ADAMTS6: variants seen among roughly 807,000 people sequenced by gnomAD.
ADAMTS6 encodes A disintegrin and metalloproteinase with thrombospondin motifs 6.
Under a neutral mutation model 144.3 loss-of-function variants are expected in ADAMTS6, and 23 were observed. That is an observed-to-expected ratio of 0.16 (90% CI 0.11 to 0.23). The LOEUF (loss-of-function observed/expected upper bound fraction) is 0.23, where lower values mean the gene tolerates loss of function less well. Ranked by LOEUF, ADAMTS6 falls within the 10% of genes least tolerant of loss-of-function variation. ADAMTS6 has a pLI of 1.00. For synonymous variants in ADAMTS6, 444 were observed against 457.5 expected (o/e 0.97, Z 0.38); for missense variants, 999 against 1,379.6 (o/e 0.72, Z 4.37).
chr5:65,202,699 G>T (rs180881859), intron 20 of ADAMTS6, among the ~76,000 whole-genome samples: 8 of 152,140 alleles, frequency 5.3e-5, no homozygotes, highest in African/African-American at 1.7e-4. Flanking sequence ...TCACTGATCT[G>T]AAGAACTCTT....
chr5:65,477,292 T>G (rs900100206), intron 1 of ADAMTS6, among the ~76,000 whole-genome samples: 4 of 152,214 alleles, frequency 2.6e-5, no homozygotes, highest in African/African-American at 9.6e-5. Flanking sequence ...GATTATAATC[T>G]TCCTTTAAAA....
In ADAMTS6 at chr5:65,167,678, A is replaced by G. The variant is rs370495064; in HGVS notation, c.3244+2939T>C. On this transcript the variant is annotated intron_variant, in intron 24 of 24. Transcript: ENST00000381055. ...AATCCAGCAGCACATCAAAAAGCTT[A>G]TCCACCATGACCAAGTGGGCTTCAT... Among the ~76,000 whole-genome samples, 39 of 126,434 alleles carry G rather than the reference A, an allele frequency of 3.1e-4. 1 individual carries two copies. In the South Asian group the frequency reaches 0.012, roughly 40 times the overall value. The allele number at this position is 126,434 out of a possible 152,430, so 82.9% of individuals were successfully genotyped here.
intron 7 of ADAMTS6, among the ~76,000 whole-genome samples, chr5:65,400,692 C>T (rs1052393791): frequency 1.3e-5 from 2 of 152,106 alleles, no homozygotes; most frequent in African/African-American, 2.4e-5. Context: ...TGTATTACAT[C>T]TTTGTAGTTT....
chr5:65,287,438 C>CTTTA (rs201239674), intron 11 of ADAMTS6, among the ~76,000 whole-genome samples: 4,812 of 152,094 alleles, frequency 0.032, 256 homozygotes, highest in African/African-American at 0.11. Flanking sequence ...TCAATTAGGA[C>CTTTA]TTTATTTATT....
chr5:65,332,110 CT>C (rs767945763), intron 8 of ADAMTS6, among the ~76,000 whole-genome samples: 23 of 150,870 alleles, frequency 1.5e-4, no homozygotes, highest in African/African-American at 5.7e-4. Context: ...ACTCAAAATA[CT>C]TTATTTCTCA....
chr5:65,434,488 A>C (rs998070606), intron 7 of ADAMTS6, among the ~76,000 whole-genome samples: 3 of 152,218 alleles, frequency 2.0e-5, no homozygotes, highest in African/African-American at 7.2e-5. Context: ...AGAAAAAAGA[A>C]ATATAACTGG....
rs184052755 is a variant in ADAMTS6 at position 65,381,704 on chromosome 5, T to C, written c.1074-47619A>G. 2.2e-3 allele frequency among the ~76,000 whole-genome samples: 337 copies of C among 152,096 alleles called. 3 individuals carry two copies. The highest frequency in any genetic ancestry group is 7.9e-3 in the African/African-American group (329 of 41,514). ...CCTGGCCTCTGGATTATACCATTTT[T>C]GTTGCTGATAAAAGAAAACATAGTA... On this transcript the variant is annotated intron_variant, in intron 7 of 24. Coordinates refer to ENST00000381055, the MANE Select transcript of ADAMTS6 (RefSeq NM_197941.4).
intron 7 of ADAMTS6, among the ~76,000 whole-genome samples, chr5:65,342,031 T>C (rs1747886278): frequency 2.0e-5 from 3 of 152,134 alleles, no homozygotes; most frequent in Admixed American, 2.0e-4. Context: ...CAAGGATAGT[T>C]CAACATATGC....
At chr5:65,370,169 G>T (rs887887043) in intron 7 of ADAMTS6, among the ~76,000 whole-genome samples, 1 of 152,172 alleles carries the variant, frequency 6.6e-6, no homozygotes, top group African/African-American at 2.4e-5. Flanking sequence ...CAGCACTCTG[G>T]GAGGCTGAGG....
At chr5:65,395,175 G>A (rs1753236819) in intron 7 of ADAMTS6, among the ~76,000 whole-genome samples, 1 of 151,976 alleles carries the variant, frequency 6.6e-6, no homozygotes, top group South Asian at 2.1e-4. Flanking sequence ...ACTCTCTAAG[G>A]AACCAAGATT....
chr5:65,223,951 C>G (rs991594275), intron 18 of ADAMTS6, among the ~76,000 whole-genome samples: 2 of 151,930 alleles, frequency 1.3e-5, no homozygotes, highest in South Asian at 2.1e-4. Context: ...AGGCGCCCAC[C>G]ACCACACCCA....
chr5:65,414,674 T>G (rs1755351224), intron 7 of ADAMTS6, among the ~76,000 whole-genome samples: 1 of 152,146 alleles, frequency 6.6e-6, no homozygotes, highest in South Asian at 2.1e-4. Flanking sequence ...AGCTAGAACA[T>G]TAAAAAATAT....
At chr5:65,339,909 G>A (rs1287331405) in intron 7 of ADAMTS6, among the ~76,000 whole-genome samples, 1 of 151,926 alleles carries the variant, frequency 6.6e-6, no homozygotes, top group African/African-American at 2.4e-5. Flanking sequence ...GCTTCCAGAA[G>A]GAGAAAAGAA....
chr5:65,348,711 C>A (rs994796179), intron 7 of ADAMTS6, among the ~76,000 whole-genome samples: 1 of 151,916 alleles, frequency 6.6e-6, no homozygotes, highest in Non-Finnish European at 1.5e-5. Context: ...TTAATTTAAT[C>A]ATCCAGTAAT....
chr5:65,336,587 T>G (rs966954860), intron 7 of ADAMTS6, among the ~76,000 whole-genome samples: 3 of 152,026 alleles, frequency 2.0e-5, no homozygotes, highest in Non-Finnish European at 4.4e-5. Context: ...GGGTAATAAA[T>G]TCTGTCCCCA....
At chr5:65,262,985 C>A in intron 12 of ADAMTS6, 23 bp from the exon 13 acceptor site, 9 of 1,613,494 alleles carry the variant, frequency 5.6e-6, no homozygotes, top group Non-Finnish European at 7.6e-6. Context: ...ACAGAAAACA[C>A]AGAATTAGCT....
intron 7 of ADAMTS6, among the ~76,000 whole-genome samples, chr5:65,431,614 T>A (rs1213169483): frequency 2.6e-5 from 4 of 152,154 alleles, no homozygotes; most frequent in Non-Finnish European, 5.9e-5. Context: ...GAGCTGAACC[T>A]AATATATATT....
At position 65,443,616 on chromosome 5, in the gene ADAMTS6, C is replaced by T. The variant is rs553283314; in HGVS notation, c.1073+7859G>A. On this transcript the variant is annotated intron_variant, in intron 7 of 24. Transcript: ENST00000381055. ...CCAGCCTAGGCAACAGAGTGAGACCCTGTCTCAAAAAAAAAAAAAAAAAAA... is the reference window on the plus strand; with the variant it reads ...CCAGCCTAGGCAACAGAGTGAGACCTTGTCTCAAAAAAAAAAAAAAAAAAA... 4.1e-3 allele frequency among the ~76,000 whole-genome samples: 390 copies of T among 95,448 alleles called. 2 individuals are homozygous for T. Among genetic ancestry groups the T allele is most frequent in the Middle Eastern group, 0.026 (4 of 156 alleles). 62.6% of individuals were successfully genotyped at this position (95,448 alleles called of 152,430 possible). A position where few individuals can be genotyped will look rare whatever the true frequency, so the allele number is the denominator to read the frequency against.
intron 9 of ADAMTS6, among the ~76,000 whole-genome samples, chr5:65,308,526 A>G (rs1226115359): frequency 6.6e-6 from 1 of 152,106 alleles, no homozygotes; most frequent in African/African-American, 2.4e-5. Flanking sequence ...TAAATAACAT[A>G]GGATCTTAAG....
Sources: allele counts gnomAD v4.1 joint callset (sites outside exome capture counted in the v4.1 genomes callset), GRCh38; gene constraint gnomAD v4.1.1; transcripts MANE v1.5; gene names NCBI Gene and HGNC (gene_info 2026-07-23, HGNC 2026-07-21).